The following CCDC73 variants were observed in gnomAD, a reference collection of about 807,000 sequenced individuals.
CCDC73 encodes coiled-coil domain containing 73.
CCDC73 carries 95 observed loss-of-function variants against 116.5 expected under a neutral mutation model. The ratio of observed to expected loss-of-function variants is 0.82; its 90% CI spans 0.69 to 0.97. CCDC73 has a LOEUF of 0.97. CCDC73 is among the 50% of genes least tolerant of loss of function. The pLI is 0.00. For missense variants in CCDC73, 1,066 were observed against 1,206.8 expected (o/e 0.88, Z 1.73); for synonymous variants, 398 against 401.3 (o/e 0.99, Z 0.10).
chr11:32,676,297 A>C (rs10767951), intron 7 of CCDC73, among the ~76,000 whole-genome samples: 114,645 of 152,058 alleles, frequency 0.75, 43,356 homozygotes, highest in East Asian at 0.93. Flanking sequence ...TTTTCAAAAT[A>C]TTTTTATAAA....
At chr11:32,781,694 G>C (rs1850585884) in intron 1 of CCDC73, among the ~76,000 whole-genome samples, 2 of 152,168 alleles carry the variant, frequency 1.3e-5, no homozygotes, top group Non-Finnish European at 2.9e-5. Context: ...GTTGAGAAAG[G>C]GTCAGGGGTG....
chr11:32,677,942 C>G (rs1414248377), intron 7 of CCDC73, among the ~76,000 whole-genome samples: 6 of 74,598 alleles, frequency 8.0e-5, no homozygotes, highest in Middle Eastern at 0.016. Context: ...AACAAAAGAG[C>G]AAGATTCCAT....
At chr11:32,671,449 C>A (rs563916438) in intron 9 of CCDC73, among the ~76,000 whole-genome samples, 2 of 146,380 alleles carry the variant, frequency 1.4e-5, no homozygotes, top group East Asian at 4.0e-4. Context: ...CCAATAACAA[C>A]TGTTCTGGAC....
chr11:32,755,471 T>TTGCAGTGAGCTGAGATCG (rs986498558), intron 2 of CCDC73, among the ~76,000 whole-genome samples: 1 of 143,410 alleles, frequency 7.0e-6, no homozygotes, highest in African/African-American at 2.6e-5. Context: ...GAGGCGGAGG[T>TTGCAGTGAGCTGAGATCG]TGCAGTGAGC....
At chr11:32,662,954 C>T (rs1855944632) in intron 9 of CCDC73, among the ~76,000 whole-genome samples, 1 of 152,102 alleles carries the variant, frequency 6.6e-6, no homozygotes, top group South Asian at 2.1e-4. Context: ...AATCCTTTCC[C>T]CATTTCTTGT....
chr11:32,789,413 C>G (rs1379326059), intron 1 of CCDC73, among the ~76,000 whole-genome samples: 1 of 152,084 alleles, frequency 6.6e-6, no homozygotes, highest in Non-Finnish European at 1.5e-5. Context: ...AAAATGTATT[C>G]GTTCATTTAA....
chr11:32,627,096 C>A (rs1006637041), intron 14 of CCDC73, among the ~76,000 whole-genome samples: 6 of 152,166 alleles, frequency 3.9e-5, no homozygotes, highest in Non-Finnish European at 7.4e-5. Context: ...TATCCAGAAT[C>A]TACAAAGAAT....
At chr11:32,689,800 C>T (rs994758768) in intron 6 of CCDC73, among the ~76,000 whole-genome samples, 3 of 152,060 alleles carry the variant, frequency 2.0e-5, no homozygotes, top group Admixed American at 2.0e-4. Flanking sequence ...TCGAGACCAT[C>T]CTGGCTAGCA....
chr11:32,784,050 C>G (rs1272498458), intron 1 of CCDC73, among the ~76,000 whole-genome samples: 2 of 152,208 alleles, frequency 1.3e-5, no homozygotes, highest in Admixed American at 1.3e-4. Context: ...AGAAAGCAGG[C>G]CAGCCACAGT....
At chr11:32,760,033 T>C in intron 2 of CCDC73, 76 bp downstream of exon 2, 1 of 1,273,122 alleles carries the variant, frequency 7.9e-7, no homozygotes, top group Non-Finnish European at 1.1e-6. Context: ...TTTAGGCTTT[T>C]TATTCTTTAA....
intron 2 of CCDC73, among the ~76,000 whole-genome samples, chr11:32,720,476 G>A (rs992041287): frequency 1.3e-5 from 2 of 152,112 alleles, no homozygotes; most frequent in Non-Finnish European, 2.9e-5. Flanking sequence ...ATGTAGGGAT[G>A]TCTATTCTCA....
intron 12 of CCDC73, among the ~76,000 whole-genome samples, chr11:32,643,497 T>A (rs1855750947): frequency 6.6e-6 from 1 of 152,140 alleles, no homozygotes; most frequent in East Asian, 1.9e-4. Flanking sequence ...ATGGTATACG[T>A]AGACTATATA....
chr11:32,639,502 T>C (rs1015522494), intron 13 of CCDC73, among the ~76,000 whole-genome samples: 1 of 151,866 alleles, frequency 6.6e-6, no homozygotes, highest in Non-Finnish European at 1.5e-5. Flanking sequence ...TAGGCTGGAG[T>C]GCAGTGGTGC....
chr11:32,719,795 G>A (rs1269335916), intron 2 of CCDC73, among the ~76,000 whole-genome samples: 2 of 152,022 alleles, frequency 1.3e-5, no homozygotes, highest in African/African-American at 4.8e-5. Context: ...TCAGAAATTT[G>A]ACAACTTAGA....
the CCDC73 span, among the ~76,000 whole-genome samples, chr11:32,826,451 C>T: frequency 1.3e-5 from 2 of 152,166 alleles, no homozygotes; most frequent in Non-Finnish European, 2.9e-5. Context: ...AGTCCATCCT[C>T]ATGCCCACAC....
intron 14 of CCDC73, among the ~76,000 whole-genome samples, chr11:32,624,533 G>C (rs1855551858): frequency 1.3e-5 from 2 of 152,118 alleles, no homozygotes; most frequent in Admixed American, 6.6e-5. Context: ...TTGTGATGTA[G>C]ATCTATTTTT....
rs71063750 is a variant in CCDC73 at position 32,637,017 on chromosome 11, CTT to C, written c.1051-1189_1051-1188del. ...TCTGTCTGTTTCACTTTTTCTTTTTCTTTTTTTTTTTTTTTTTTTTGAGAAGG... is the reference window on the plus strand; with the variant it reads ...TCTGTCTGTTTCACTTTTTCTTTTTCTTTTTTTTTTTTTTTTTTGAGAAGG... On this transcript the variant is annotated intron_variant, in intron 13 of 17. Coordinates refer to ENST00000335185, the MANE Select transcript of CCDC73 (RefSeq NM_001008391.4). 8.5e-3 allele frequency among the ~76,000 whole-genome samples: 750 copies of C among 87,930 alleles called. 4 individuals carry two copies. The highest frequency in any genetic ancestry group is 0.028 in the African/African-American group (721 of 25,312). The allele number at this position is 87,930 out of a possible 152,430, so 57.7% of individuals were successfully genotyped here.
intron 7 of CCDC73, among the ~76,000 whole-genome samples, chr11:32,679,265 G>A (rs946273643): frequency 6.6e-6 from 1 of 152,158 alleles, no homozygotes; most frequent in African/African-American, 2.4e-5. Flanking sequence ...ATTTCTGATT[G>A]AGAGAATTAT....
At chr11:32,814,980 A>G in the CCDC73 span, among the ~76,000 whole-genome samples, 1 of 152,304 alleles carries the variant, frequency 6.6e-6, no homozygotes, top group South Asian at 2.1e-4. Flanking sequence ...GAATAGCCAA[A>G]TCCACACAGA....
Sources: allele counts gnomAD v4.1 joint callset (sites outside exome capture counted in the v4.1 genomes callset), GRCh38; gene constraint gnomAD v4.1.1; transcripts MANE v1.5; gene names NCBI Gene and HGNC (gene_info 2026-07-23, HGNC 2026-07-21).